The following RTL4 variants were observed in gnomAD, a reference collection of about 807,000 sequenced individuals.
The protein encoded by RTL4 is retrotransposon Gag-like protein 4.
Under a neutral mutation model 5.3 loss-of-function variants are expected in RTL4, and 4 were observed. The ratio of observed to expected loss-of-function variants is 0.75; its 90% CI spans 0.37 to 1.72. RTL4 has a LOEUF of 1.72. Among genes scored for constraint, RTL4 ranks in the 40% most tolerant of loss-of-function variants. The pLI, the probability that RTL4 is intolerant of heterozygous loss-of-function variation, is 0.04. For synonymous variants in RTL4, 98 were observed against 87.3 expected (o/e 1.12, Z -0.68); for missense variants, 260 against 227.1 (o/e 1.14, Z -0.93).
the RTL4 span, among the ~76,000 whole-genome samples, chrX:112,288,257 A>G: frequency 8.9e-6 from 1 of 112,330 alleles, no homozygotes; most frequent in African/African-American, 3.2e-5. Flanking sequence ...TCAGCGTAAG[A>G]AATTGATTGC....
chrX:112,289,602 A>G, the RTL4 span, among the ~76,000 whole-genome samples: 2 of 111,926 alleles, frequency 1.8e-5, no homozygotes, highest in African/African-American at 6.5e-5. Flanking sequence ...CAATGGGGGT[A>G]ATAATAGAAC....
chrX:112,084,620 G>T, the RTL4 span, among the ~76,000 whole-genome samples: 1 of 111,175 alleles, frequency 9.0e-6, no homozygotes, highest in African/African-American at 3.3e-5. Flanking sequence ...TGATTAAGCC[G>T]TCTTCCCTTT....
chrX:112,244,224 G>A, the RTL4 span, among the ~76,000 whole-genome samples: 1 of 111,744 alleles, frequency 8.9e-6, no homozygotes, highest in East Asian at 2.8e-4. Flanking sequence ...GCTTGGTGCA[G>A]AGCAGAGTTC....
the RTL4 span, among the ~76,000 whole-genome samples, chrX:112,344,697 A>G: frequency 8.9e-6 from 1 of 112,058 alleles, no homozygotes; most frequent in Non-Finnish European, 1.9e-5. Flanking sequence ...AAGTGCCATT[A>G]CTTTTTATTC....
the RTL4 span, among the ~76,000 whole-genome samples, chrX:112,191,487 C>G: frequency 2.9e-4 from 32 of 111,496 alleles, no homozygotes; most frequent in African/African-American, 1.0e-3. Context: ...TACAGAAAAG[C>G]CTAGACCCAT....
the RTL4 span, among the ~76,000 whole-genome samples, chrX:112,416,819 G>A: frequency 8.9e-6 from 1 of 111,954 alleles, no homozygotes; most frequent in Non-Finnish European, 1.9e-5. Flanking sequence ...AGAATAATCA[G>A]TACCTGTGTT....
the RTL4 span, among the ~76,000 whole-genome samples, chrX:112,249,790 TATAG>T: frequency 9.0e-5 from 9 of 99,794 alleles, no homozygotes; most frequent in Non-Finnish European, 1.8e-4. Flanking sequence ...TATATATATA[TATAG>T]AGAGAGAGAG....
At chrX:112,307,118 C>T in the RTL4 span, among the ~76,000 whole-genome samples, 2 of 112,155 alleles carry the variant, frequency 1.8e-5, no homozygotes, top group South Asian at 7.4e-4. Flanking sequence ...TAGCTCTTGA[C>T]TCTGTGTCTG....
At chrX:112,342,291 G>A in the RTL4 span, among the ~76,000 whole-genome samples, 2 of 111,046 alleles carry the variant, frequency 1.8e-5, no homozygotes, top group Non-Finnish European at 1.9e-5. Context: ...ATCATTTTGG[G>A]GCCTTTAAAC....
chrX:112,115,268 A>T, the RTL4 span, among the ~76,000 whole-genome samples: 1 of 111,485 alleles, frequency 9.0e-6, no homozygotes, highest in Non-Finnish European at 1.9e-5. Flanking sequence ...TTACCAATGC[A>T]TTCTCAAAAA....
chrX:112,264,805 G>A, the RTL4 span, among the ~76,000 whole-genome samples: 3 of 112,030 alleles, frequency 2.7e-5, no homozygotes, highest in African/African-American at 9.7e-5. Context: ...CTGGTTAGTG[G>A]AAGAGAGAGA....
chrX:112,143,737 T>C, the RTL4 span, among the ~76,000 whole-genome samples: 1 of 111,944 alleles, frequency 8.9e-6, no homozygotes, highest in East Asian at 2.8e-4. Flanking sequence ...TGTAAATTTC[T>C]AGGCTCCACT....
chrX:112,421,892 T>C, the RTL4 span, among the ~76,000 whole-genome samples: 1 of 112,655 alleles, frequency 8.9e-6, no homozygotes, highest in Non-Finnish European at 1.9e-5. Context: ...AATTGCTGGA[T>C]GCATTGGAAC....
the RTL4 span, among the ~76,000 whole-genome samples, chrX:112,384,083 GATTAT>G: frequency 7.1e-5 from 8 of 111,913 alleles, no homozygotes; most frequent in East Asian, 2.8e-4. Flanking sequence ...GGGGTTTCTG[GATTAT>G]ATTATAAGGA....
At chrX:112,118,842 G>A in the RTL4 span, among the ~76,000 whole-genome samples, 1 of 110,815 alleles carries the variant, frequency 9.0e-6, no homozygotes, top group Admixed American at 9.7e-5. Flanking sequence ...GATGAAAATG[G>A]ATTACTGATG....
At chrX:112,350,485 C>G in the RTL4 span, among the ~76,000 whole-genome samples, 176 of 109,593 alleles carry the variant, frequency 1.6e-3, no homozygotes, top group African/African-American at 5.5e-3. Context: ...CTGTGAATCC[C>G]TCTGGTCCTG....
the RTL4 span, among the ~76,000 whole-genome samples, chrX:112,431,921 C>T: frequency 1.3e-5 from 1 of 77,906 alleles, no homozygotes; most frequent in Non-Finnish European, 2.5e-5. Flanking sequence ...TGATGTTCCC[C>T]TTCCTGTGTC....
the RTL4 span, among the ~76,000 whole-genome samples, chrX:112,255,292 G>A: frequency 2.7e-5 from 3 of 112,070 alleles, no homozygotes; most frequent in African/African-American, 9.7e-5. Context: ...AGAAATTTAT[G>A]CAGGAAAATA....
At chrX:112,277,477 A>G in the RTL4 span, among the ~76,000 whole-genome samples, 3 of 111,964 alleles carry the variant, frequency 2.7e-5, no homozygotes, top group African/African-American at 9.7e-5. Flanking sequence ...GGAAGATGGA[A>G]AGCAAATAGA....
Sources: gnomAD v4.1 joint callset for allele counts (sites outside exome capture counted in the v4.1 genomes callset) on GRCh38, gnomAD v4.1.1 for gene constraint, MANE v1.5 for transcripts, NCBI Gene and HGNC (gene_info 2026-07-23, HGNC 2026-07-21) for gene names.